Variants in PTPRM observed in about 807,000 individuals in gnomAD.
PTPRM encodes receptor-type tyrosine-protein phosphatase mu.
Under a neutral mutation model 186.7 loss-of-function variants are expected in PTPRM, and 47 were observed. The ratio of observed to expected loss-of-function variants is 0.25; its 90% CI spans 0.20 to 0.32. The LOEUF (loss-of-function observed/expected upper bound fraction) is 0.32. Ranked by LOEUF, PTPRM falls within the 10% of genes least tolerant of loss-of-function variation. The pLI, the probability that PTPRM is intolerant of heterozygous loss-of-function variation, is 1.00. For synonymous variants in PTPRM, 668 were observed against 674.9 expected, an observed-to-expected ratio of 0.99 and a Z score of 0.16; for missense variants, 1,494 against 1,865.0, an observed-to-expected ratio of 0.80 and a Z score of 3.66.
chr18:8,050,856 G>A (rs1285737695), intron 7 of PTPRM, among the ~76,000 whole-genome samples: 1 of 152,078 alleles, frequency 6.6e-6, no homozygotes, highest in Non-Finnish European at 1.5e-5. Context: ...TCCTCCTGAT[G>A]TGACAGCCCT....
intron 19 of PTPRM, among the ~76,000 whole-genome samples, chr18:8,295,004 G>C (rs1197890212): frequency 6.6e-6 from 1 of 152,196 alleles, no homozygotes; most frequent in East Asian, 1.9e-4. Flanking sequence ...AAAAGACATG[G>C]ACTTGACAAA....
intron 22 of PTPRM, among the ~76,000 whole-genome samples, chr18:8,328,281 T>C (rs1388249839): frequency 1.3e-5 from 2 of 152,222 alleles, no homozygotes; most frequent in Non-Finnish European, 2.9e-5. Flanking sequence ...AGAGCGTCAG[T>C]GTAACTTCTG....
intron 6 of PTPRM, among the ~76,000 whole-genome samples, chr18:7,950,271 G>T (rs114744215): frequency 0.012 from 1,882 of 152,224 alleles, 28 homozygotes; most frequent in African/African-American, 0.043. Context: ...CAGGTGTGGT[G>T]GCAGTGCCTA....
chr18:7,685,447 G>A lies in PTPRM; in HGVS notation c.74-88702G>A, dbSNP rs146164138. ...AAGGAGCAATTACTGTTCTAGCTTT[G>A]TAGAACTATTTATATCCAGACTCTT... On this transcript the variant is annotated intron_variant, in intron 1 of 32. Coordinates refer to ENST00000580170, the MANE Select transcript of PTPRM (RefSeq NM_001105244.2). Among the ~76,000 whole-genome samples the A allele has an allele frequency of 5.7e-4, 87 of 152,334 alleles. No homozygotes were observed. The East Asian group carries it at 0.016, about 28-fold the overall frequency.
chr18:8,334,892 G>T (rs2095430332), intron 22 of PTPRM, among the ~76,000 whole-genome samples: 1 of 152,084 alleles, frequency 6.6e-6, no homozygotes. Context: ...TGCTCCTCCT[G>T]TTCCCACTTC....
At chr18:7,739,791 A>AGAAC (rs2040850874) in intron 1 of PTPRM, among the ~76,000 whole-genome samples, 1 of 152,172 alleles carries the variant, frequency 6.6e-6, no homozygotes, top group Non-Finnish European at 1.5e-5. Flanking sequence ...TCTATCACCT[A>AGAAC]TGCTGGTGGG....
intron 7 of PTPRM, among the ~76,000 whole-genome samples, chr18:7,990,259 C>T (rs2083193077): frequency 6.6e-6 from 1 of 152,154 alleles, no homozygotes. Context: ...CACTAACTGT[C>T]ATGCAAAATG....
chr18:8,378,054 G>A (rs2095707894), intron 26 of PTPRM: 2 of 519,300 alleles, frequency 3.9e-6, no homozygotes, highest in Non-Finnish European at 6.8e-6. Context: ...TGCAGTGCGT[G>A]TGGTGGTTTG....
intron 1 of PTPRM, among the ~76,000 whole-genome samples, chr18:7,664,257 A>C (rs1052274786): frequency 4.6e-5 from 7 of 152,212 alleles, no homozygotes; most frequent in Admixed American, 1.3e-4. Flanking sequence ...GGGCGCCAAG[A>C]GAGTGGGTAG....
chr18:7,880,938 A>T (rs1396129961), intron 2 of PTPRM, among the ~76,000 whole-genome samples: 1 of 152,192 alleles, frequency 6.6e-6, no homozygotes, highest in Non-Finnish European at 1.5e-5. Context: ...GTGGGCTCTG[A>T]TGTCAGTTGT....
At chr18:7,889,122 G>GAATA (rs571955857) in intron 3 of PTPRM, among the ~76,000 whole-genome samples, 1 of 151,768 alleles carries the variant, frequency 6.6e-6, no homozygotes, top group Non-Finnish European at 1.5e-5. Context: ...TTAAATAAAT[G>GAATA]AATAAATAAA....
intron 19 of PTPRM, among the ~76,000 whole-genome samples, chr18:8,291,277 A>G (rs1201123779): frequency 3.3e-5 from 5 of 152,180 alleles, no homozygotes; most frequent in Non-Finnish European, 7.3e-5. Flanking sequence ...TTGTGCTTAA[A>G]CTTGAATGTA....
intron 20 of PTPRM, among the ~76,000 whole-genome samples, chr18:8,301,669 A>G (rs1050894567): frequency 6.6e-6 from 1 of 152,244 alleles, no homozygotes; most frequent in Non-Finnish European, 1.5e-5. Flanking sequence ...GCACTATTCT[A>G]GGTGTCAGCG....
intron 7 of PTPRM, among the ~76,000 whole-genome samples, chr18:8,038,825 G>T (rs1273680294): frequency 1.3e-5 from 2 of 152,088 alleles, no homozygotes; most frequent in Non-Finnish European, 2.9e-5. Context: ...CCCTACCCCA[G>T]TTTTAATTCT....
At chr18:7,611,252 A>G (rs1217609857) in intron 1 of PTPRM, among the ~76,000 whole-genome samples, 1 of 152,224 alleles carries the variant, frequency 6.6e-6, no homozygotes, top group Non-Finnish European at 1.5e-5. Context: ...AACTTATTAA[A>G]GAAATAAAAA....
At chr18:7,879,168 G>T (rs1486046960) in intron 2 of PTPRM, among the ~76,000 whole-genome samples, 1 of 152,276 alleles carries the variant, frequency 6.6e-6, no homozygotes, top group East Asian at 1.9e-4. Flanking sequence ...TAAAAGGAGA[G>T]CACATTGCTT....
At chr18:7,902,428 A>G (rs1175420349) in intron 3 of PTPRM, among the ~76,000 whole-genome samples, 2 of 152,242 alleles carry the variant, frequency 1.3e-5, no homozygotes, top group East Asian at 1.9e-4. Flanking sequence ...TGGGAAATCC[A>G]TGAGTTGATA....
chr18:8,063,302 C>G lies in PTPRM; in HGVS notation c.1133-6384C>G, dbSNP rs546890142. Among the ~76,000 whole-genome samples, 70 of 150,842 alleles carry G rather than the reference C, an allele frequency of 4.6e-4. 1 individual carries two copies. Among genetic ancestry groups the G allele is most frequent in the Middle Eastern group, 3.4e-3 (1 of 292 alleles). ...GCGCTTCCCAGGTGAGGCAATGCCT[C>G]GCCCTGCTTCGGCTTGCGCACACCC... is the stretch of plus-strand genomic sequence containing the variant. On this transcript the variant is annotated intron_variant, in intron 7 of 32. Coordinates refer to ENST00000580170, the MANE Select transcript of PTPRM (RefSeq NM_001105244.2).
intron 3 of PTPRM, among the ~76,000 whole-genome samples, chr18:7,904,068 A>C (rs1248172152): frequency 1.3e-5 from 2 of 152,220 alleles, no homozygotes. Flanking sequence ...TAATGAGATA[A>C]TGGAATGATA....
Sources: gnomAD v4.1 joint callset for allele counts (sites outside exome capture counted in the v4.1 genomes callset) on GRCh38, gnomAD v4.1.1 for gene constraint, MANE v1.5 for transcripts, NCBI Gene and HGNC (gene_info 2026-07-23, HGNC 2026-07-21) for gene names.